Variants in PTPRC observed in about 807,000 individuals in gnomAD.
PTPRC encodes the protein protein tyrosine phosphatase receptor type C.
Under a neutral mutation model 155.9 loss-of-function variants are expected in PTPRC, and 44 were observed. That is an observed-to-expected ratio of 0.28 (90% CI 0.22 to 0.36). The LOEUF (loss-of-function observed/expected upper bound fraction) is 0.36. PTPRC is among the 10% of genes least tolerant of loss of function. PTPRC has a pLI of 1.00. For synonymous variants in PTPRC, 525 were observed against 533.1 expected, an observed-to-expected ratio of 0.98 and a Z score of 0.21; for missense variants, 1,401 against 1,564.6, an observed-to-expected ratio of 0.90 and a Z score of 1.76.
intron 8 of PTPRC, among the ~76,000 whole-genome samples, chr1:198,705,810 C>T (rs931835736): frequency 1.4e-4 from 22 of 152,180 alleles, no homozygotes; most frequent in African/African-American, 5.1e-4. Flanking sequence ...GCTCCAACCT[C>T]ATCCCCCAAA....
rs551367157 is a variant in PTPRC at position 198,746,469 on chromosome 1, G to GA, written c.2848-1630dup. Among the ~76,000 whole-genome samples the GA allele has an allele frequency of 7.3e-4, 106 of 145,400 alleles. No individual in the cohort carries two copies. In the South Asian group the frequency reaches 8.5e-3, roughly 12 times the overall value. ...ACATCCAGGTTTTAATTGGTGGAAAGAAAAAAAAAAGGGTGAAGTGACTGT... is the reference window on the plus strand; with the variant it reads ...ACATCCAGGTTTTAATTGGTGGAAAGAAAAAAAAAAAGGGTGAAGTGACTGT... On this transcript the variant is annotated intron_variant, in intron 26 of 32. Coordinates refer to ENST00000442510, the MANE Select transcript of PTPRC (RefSeq NM_002838.5).
chr1:198,694,804 C>T, intron 3 of PTPRC: 2 of 954,108 alleles, frequency 2.1e-6, no homozygotes, highest in Non-Finnish European at 1.2e-6. Context: ...CCCTCTCTCC[C>T]TCCCTTTCTT....
chr1:198,676,568 A>C (rs1403743345), intron 2 of PTPRC, among the ~76,000 whole-genome samples: 1 of 152,152 alleles, frequency 6.6e-6, no homozygotes, highest in Non-Finnish European at 1.5e-5. Context: ...GGGAGTAGTC[A>C]TTCCCATTGC....
chr1:198,710,745 T>C (rs1653255491), intron 11 of PTPRC, among the ~76,000 whole-genome samples: 1 of 152,232 alleles, frequency 6.6e-6, no homozygotes, highest in Non-Finnish European at 1.5e-5. Flanking sequence ...TGTACAAAAG[T>C]ACAATTGATT....
chr1:198,711,043 A>G, intron 11 of PTPRC, among the ~76,000 whole-genome samples: 1 of 151,996 alleles, frequency 6.6e-6, no homozygotes, highest in African/African-American at 2.4e-5. Context: ...TTTAGTAGAG[A>G]TCAATCTCCT....
At chr1:198,689,131 T>C (rs942907917) in intron 2 of PTPRC, among the ~76,000 whole-genome samples, 2 of 152,106 alleles carry the variant, frequency 1.3e-5, no homozygotes, top group African/African-American at 4.8e-5. Context: ...GTAATTTACC[T>C]CTTGTCCTTC....
At chr1:198,659,561 T>G (rs1004909697) in intron 2 of PTPRC, among the ~76,000 whole-genome samples, 2 of 151,700 alleles carry the variant, frequency 1.3e-5, no homozygotes, top group Non-Finnish European at 2.9e-5. Flanking sequence ...TTTTTTGCTT[T>G]TTTTTTTTCA....
intron 2 of PTPRC, among the ~76,000 whole-genome samples, chr1:198,663,939 T>C (rs906905366): frequency 6.6e-6 from 1 of 152,108 alleles, no homozygotes; most frequent in African/African-American, 2.4e-5. Flanking sequence ...AAAAGCAAAA[T>C]ATTTTTTCTA....
At chr1:198,743,923 G>A in intron 25 of PTPRC, 131 bp from the exon 26 acceptor site, 1 of 833,408 alleles carries the variant, frequency 1.2e-6, no homozygotes, top group Non-Finnish European at 1.9e-6. Context: ...AAATATTATA[G>A]ATATCAATTT....
intron 2 of PTPRC, among the ~76,000 whole-genome samples, chr1:198,655,384 A>T (rs555073620): frequency 2.0e-3 from 305 of 152,224 alleles, no homozygotes; most frequent in African/African-American, 7.0e-3. Flanking sequence ...CAAAAAAGAA[A>T]ATTGAAACTC....
chr1:198,699,452 T>C lies in PTPRC; in HGVS notation c.299-112T>C, dbSNP rs1666357361. The C allele has an allele frequency of 5.5e-6, 7 of 1,269,430 alleles. No individual in the cohort carries two copies. The South Asian group carries it at 6.1e-5, about 11-fold the overall frequency. The allele number at this position is 1,269,430 out of a possible 1,614,324, so 78.6% of individuals were successfully genotyped here. ...ACAGACACATTTTAACAGATTCAGT[T>C]ACTTCACAGTTTGGTAAACTATAAT... On this transcript the variant is annotated intron_variant, in intron 4 of 32. Coordinates refer to ENST00000442510, the MANE Select transcript of PTPRC (RefSeq NM_002838.5).
At chr1:198,690,927 T>C (rs1665888889) in intron 2 of PTPRC, among the ~76,000 whole-genome samples, 3 of 152,146 alleles carry the variant, frequency 2.0e-5, no homozygotes, top group African/African-American at 7.2e-5. Flanking sequence ...CAAACCCAGA[T>C]GATAAATCCA....
At chr1:198,669,686 C>T (rs1422418760) in intron 2 of PTPRC, among the ~76,000 whole-genome samples, 1 of 152,140 alleles carries the variant, frequency 6.6e-6, no homozygotes, top group Admixed American at 6.6e-5. Flanking sequence ...CACTCCCAGA[C>T]CCCTTCTTTC....
intron 28 of PTPRC, among the ~76,000 whole-genome samples, 178 bp downstream of exon 28, chr1:198,749,727 A>G (rs1469946192): frequency 6.6e-6 from 1 of 151,940 alleles, no homozygotes; most frequent in African/African-American, 2.4e-5. Flanking sequence ...AAGATTTAAA[A>G]ATACTATAAC....
At chr1:198,641,148 A>T (rs563912831) in intron 2 of PTPRC, among the ~76,000 whole-genome samples, 25 of 152,192 alleles carry the variant, frequency 1.6e-4, no homozygotes, top group Middle Eastern at 3.4e-3. Flanking sequence ...TCTAAAAGAC[A>T]TTTGTAGACT....
intron 17 of PTPRC, among the ~76,000 whole-genome samples, chr1:198,729,919 G>A (rs1654312875): frequency 6.6e-6 from 1 of 152,146 alleles, no homozygotes; most frequent in Non-Finnish European, 1.5e-5. Flanking sequence ...GTGGATGGAA[G>A]TCACAGAGAT....
intron 15 of PTPRC, among the ~76,000 whole-genome samples, chr1:198,726,745 A>G (rs1654150261): frequency 6.6e-6 from 1 of 152,134 alleles, no homozygotes; most frequent in Non-Finnish European, 1.5e-5. Flanking sequence ...TCCACTTGCC[A>G]TACAGAAAAT....
At chr1:198,702,929 T>A (rs2102402286) in intron 6 of PTPRC, among the ~76,000 whole-genome samples, 1 of 152,294 alleles carries the variant, frequency 6.6e-6, no homozygotes, top group African/African-American at 2.4e-5. Flanking sequence ...TAACGTGATG[T>A]CTGAATATGT....
chr1:198,722,253 C>T (rs939659251), intron 14 of PTPRC, among the ~76,000 whole-genome samples, 163 bp from the exon 15 acceptor site: 1 of 150,028 alleles, frequency 6.7e-6, no homozygotes, highest in Non-Finnish European at 1.5e-5. Flanking sequence ...TATTTGACAA[C>T]ATACTGACAT....
Sources: gnomAD v4.1 joint callset for allele counts (sites outside exome capture counted in the v4.1 genomes callset) on GRCh38, gnomAD v4.1.1 for gene constraint, MANE v1.5 for transcripts, NCBI Gene and HGNC (gene_info 2026-07-23, HGNC 2026-07-21) for gene names.